SDK1: variants seen among roughly 807,000 people sequenced by gnomAD.
SDK1 encodes the protein protein sidekick-1.
Under a neutral mutation model 245.5 loss-of-function variants are expected in SDK1, and 157 were observed. The observed-to-expected ratio is 0.64, with a 90% CI of 0.56 to 0.73. The LOEUF (loss-of-function observed/expected upper bound fraction) is 0.73, where lower values mean the gene tolerates loss of function less well. Among genes scored for constraint, SDK1 ranks in the 30% least tolerant of loss-of-function variants. SDK1 has a pLI of 0.00. For missense variants in SDK1, 3,583 were observed against 3,002.3 expected (o/e 1.19, Z -4.52); for synonymous variants, 1,647 against 1,278.5 (o/e 1.29, Z -6.15).
intron 1 of SDK1, among the ~76,000 whole-genome samples, chr7:3,459,879 A>G (rs1780781420): frequency 6.6e-6 from 1 of 152,194 alleles, no homozygotes; most frequent in African/African-American, 2.4e-5. Flanking sequence ...TGTAGGTAAG[A>G]GAAGGTATCT....
intron 24 of SDK1, 21 bp from the exon 25 acceptor site, chr7:4,114,016 C>G: frequency 6.2e-7 from 1 of 1,602,466 alleles, no homozygotes; most frequent in Non-Finnish European, 8.5e-7. Flanking sequence ...CAGCTCATCG[C>G]GACTCCTCGT....
At chr7:3,909,190 C>A (rs529299533) in intron 5 of SDK1, among the ~76,000 whole-genome samples, 1 of 152,196 alleles carries the variant, frequency 6.6e-6, no homozygotes, top group Admixed American at 6.5e-5. Context: ...CAGTGAGACC[C>A]TCATCCTCTA....
chr7:3,943,625 G>A (rs1019428371), intron 5 of SDK1, among the ~76,000 whole-genome samples: 1 of 151,494 alleles, frequency 6.6e-6, no homozygotes, highest in African/African-American at 2.4e-5. Flanking sequence ...CGCACGGTGC[G>A]GGGCTGCCGT....
chr7:3,929,339 G>A (rs1562543930), intron 5 of SDK1, among the ~76,000 whole-genome samples: 1 of 152,180 alleles, frequency 6.6e-6, no homozygotes, highest in Non-Finnish European at 1.5e-5. Context: ...GCTTGAACAC[G>A]ATTGATCTTC....
chr7:3,656,130 A>G (rs1483040155), intron 4 of SDK1, among the ~76,000 whole-genome samples: 2 of 152,098 alleles, frequency 1.3e-5, no homozygotes, highest in African/African-American at 4.8e-5. Context: ...TGTTTTAGGT[A>G]GTTTTTGCAT....
intron 2 of SDK1, among the ~76,000 whole-genome samples, chr7:3,620,649 C>G (rs1417065197): frequency 6.6e-6 from 1 of 152,032 alleles, no homozygotes; most frequent in Non-Finnish European, 1.5e-5. Context: ...CTGTAAAAAC[C>G]TTGCTTCCCA....
chr7:4,196,570 C>G (rs1783589433), intron 35 of SDK1, among the ~76,000 whole-genome samples: 1 of 152,206 alleles, frequency 6.6e-6, no homozygotes, highest in African/African-American at 2.4e-5. Context: ...CTCCACTGTT[C>G]AAGTCTCTGC....
At chr7:3,539,619 C>G (rs546309554) in intron 1 of SDK1, among the ~76,000 whole-genome samples, 1 of 152,156 alleles carries the variant, frequency 6.6e-6, no homozygotes, top group Non-Finnish European at 1.5e-5. Context: ...CTTTCAAAAC[C>G]TTGCATCTGA....
At chr7:3,778,310 C>G (rs571528179) in intron 4 of SDK1, among the ~76,000 whole-genome samples, 5 of 152,204 alleles carry the variant, frequency 3.3e-5, no homozygotes, top group African/African-American at 1.2e-4. Context: ...CATGAAAAAG[C>G]AAGGTGATAC....
intron 5 of SDK1, among the ~76,000 whole-genome samples, chr7:3,905,455 G>A (rs377519359): frequency 7.2e-5 from 11 of 151,874 alleles, no homozygotes; most frequent in Non-Finnish European, 1.0e-4. Flanking sequence ...TATTTTTCTG[G>A]TAAGAAATCT....
At chr7:3,913,651 C>G (rs995430446) in intron 5 of SDK1, among the ~76,000 whole-genome samples, 1 of 152,090 alleles carries the variant, frequency 6.6e-6, no homozygotes, top group Non-Finnish European at 1.5e-5. Context: ...TGTTAGTGCT[C>G]TGGTAACATC....
At chr7:3,616,754 A>G (rs1018316854) in intron 1 of SDK1, among the ~76,000 whole-genome samples, 10 of 152,224 alleles carry the variant, frequency 6.6e-5, no homozygotes, top group African/African-American at 1.9e-4. Context: ...TTTAAATTCT[A>G]TATATTCAGT....
chr7:3,727,256 G>T (rs996906330), intron 4 of SDK1, among the ~76,000 whole-genome samples: 2 of 152,312 alleles, frequency 1.3e-5, no homozygotes, highest in Middle Eastern at 3.4e-3. Context: ...CAACCTTGTT[G>T]CCATGTTGAT....
chr7:3,359,329 A>G (rs533374894), intron 1 of SDK1, among the ~76,000 whole-genome samples: 2 of 152,312 alleles, frequency 1.3e-5, no homozygotes, highest in South Asian at 2.1e-4. Context: ...GATGTCCTCC[A>G]TGCTACCCAC....
chr7:3,629,375 G>A (rs1209275010), intron 2 of SDK1, among the ~76,000 whole-genome samples: 1 of 151,980 alleles, frequency 6.6e-6, no homozygotes, highest in African/African-American at 2.4e-5. Context: ...CCTCCAGAGG[G>A]TCCCCCTTTA....
chr7:3,689,147 C>A (rs1045818199), intron 4 of SDK1, among the ~76,000 whole-genome samples: 2 of 152,198 alleles, frequency 1.3e-5, no homozygotes, highest in African/African-American at 2.4e-5. Flanking sequence ...CAAACCCTAA[C>A]TGTTTGCTAT....
At chr7:3,598,447 A>G (rs1027681082) in intron 1 of SDK1, among the ~76,000 whole-genome samples, 3 of 152,188 alleles carry the variant, frequency 2.0e-5, no homozygotes, top group African/African-American at 4.8e-5. Flanking sequence ...GTTAGAAGTA[A>G]TACACAGAGA....
chr7:3,474,094 T>TTG (rs1781269689), intron 1 of SDK1, among the ~76,000 whole-genome samples: 1 of 87,242 alleles, frequency 1.1e-5, no homozygotes, highest in African/African-American at 5.4e-5. Context: ...AGATGGTGTT[T>TTG]TTTTTTTTTT....
intron 17 of SDK1, among the ~76,000 whole-genome samples, chr7:4,032,073 A>G (rs999352821): frequency 1.3e-5 from 2 of 152,012 alleles, no homozygotes; most frequent in African/African-American, 4.8e-5. Flanking sequence ...CGATCGATCG[A>G]TCATGTCCTA....
Sources: allele counts gnomAD v4.1 joint callset (sites outside exome capture counted in the v4.1 genomes callset), GRCh38; gene constraint gnomAD v4.1.1; transcripts MANE v1.5; gene names NCBI Gene and HGNC (gene_info 2026-07-23, HGNC 2026-07-21).